Variants in KIF20B observed in about 807,000 individuals in gnomAD.
KIF20B encodes kinesin family member 20B, also known as kinesin-like protein KIF20B.
In KIF20B, 188 loss-of-function variants were observed where a neutral mutation model predicts 232.5. The observed-to-expected ratio is 0.81, with a 90% CI of 0.72 to 0.91. The LOEUF (loss-of-function observed/expected upper bound fraction) is 0.91. Ranked by LOEUF, KIF20B falls within the 40% of genes least tolerant of loss-of-function variation. The probability of loss-of-function intolerance (pLI) is 0.00; values close to 1 mark genes in which losing one functional copy is unlikely to be tolerated. For synonymous variants in KIF20B, 712 were observed against 683.0 expected (o/e 1.04, Z -0.66); for missense variants, 2,154 against 2,055.9 (o/e 1.05, Z -0.92).
At chr10:89,750,718 A>G (rs746673540) in intron 23 of KIF20B, among the ~76,000 whole-genome samples, 2 of 152,150 alleles carry the variant, frequency 1.3e-5, no homozygotes, top group African/African-American at 2.4e-5. Context: ...AGTTGCTTAC[A>G]AGTAATTGCT....
intron 23 of KIF20B, among the ~76,000 whole-genome samples, chr10:89,750,836 C>G (rs1022098542): frequency 6.6e-6 from 1 of 151,840 alleles, no homozygotes; most frequent in South Asian, 2.1e-4. Context: ...AAAATAGAAA[C>G]AAATATTTGA....
intron 13 of KIF20B, among the ~76,000 whole-genome samples, chr10:89,722,398 G>C (rs535261866): frequency 3.7e-4 from 56 of 152,278 alleles, no homozygotes; most frequent in Admixed American, 1.4e-3. Context: ...CGCCAGGCGC[G>C]GTGGCTCATG....
chr10:89,735,255 T>C (rs147964020), intron 19 of KIF20B, among the ~76,000 whole-genome samples: 2,565 of 152,276 alleles, frequency 0.017, 89 homozygotes, highest in African/African-American at 0.058. Flanking sequence ...TACCATGATA[T>C]GTCTTAGAGA....
At position 89,768,818 on chromosome 10, in the gene KIF20B, G is replaced by A. The variant is rs774659761; in HGVS notation, c.5172G>A (p.Lys1724=). ...TAATTGGTGTAAACCTGGCCACTAA[G>A]AAAAAAGAAGGAACACTACAGAAAT... ...ASIIGVNLAT[K]KKEGTLQKFG... Residue 1724 remains lysine (K), a synonymous_variant, in exon 31 of 33, where the codon AAG becomes AAA. Coordinates refer to ENST00000371728, the MANE Select transcript of KIF20B (RefSeq NM_001284259.2). 1 of 1,609,300 alleles carries A rather than the reference G, an allele frequency of 6.2e-7. No homozygotes were observed. The highest frequency in any genetic ancestry group is 8.5e-7 in the Non-Finnish European group (1 of 1,177,850).
chr10:89,736,476 A>G (rs1841655663), intron 19 of KIF20B, among the ~76,000 whole-genome samples: 1 of 152,184 alleles, frequency 6.6e-6, no homozygotes, highest in Non-Finnish European at 1.5e-5. Flanking sequence ...TCTGGGTATA[A>G]TTTGATCTGT....
At chr10:89,751,977 G>A (rs761936796) in intron 24 of KIF20B, among the ~76,000 whole-genome samples, 29 of 151,904 alleles carry the variant, frequency 1.9e-4, no homozygotes, top group Admixed American at 2.6e-4. Context: ...ATATAACCTT[G>A]GCAGGGTACT....
rs1842702905 is a variant in KIF20B at position 89,705,453 on chromosome 10, A to G, written c.147+12A>G. ...CTCCAAATACTGAGGTAAGTACAAGAAAAGTATTGTGTTGATTATCATGCC... is the reference window on the plus strand; with the variant it reads ...CTCCAAATACTGAGGTAAGTACAAGGAAAGTATTGTGTTGATTATCATGCC... On this transcript the variant is annotated intron_variant, in intron 2 of 32. Coordinates refer to ENST00000371728, the MANE Select transcript of KIF20B (RefSeq NM_001284259.2). The G allele has an allele frequency of 6.2e-7, 1 of 1,612,934 alleles. No homozygotes were observed. The highest frequency in any genetic ancestry group is 8.5e-7 in the Non-Finnish European group (1 of 1,179,458).
At chr10:89,735,530 A>T (rs1333062477) in intron 19 of KIF20B, among the ~76,000 whole-genome samples, 1 of 141,498 alleles carries the variant, frequency 7.1e-6, no homozygotes, top group Non-Finnish European at 1.5e-5. Flanking sequence ...GAAAGTAGTA[A>T]GTGTCTTTTT....
At chr10:89,746,307 G>A (rs1266767353) in intron 23 of KIF20B, among the ~76,000 whole-genome samples, 1 of 152,168 alleles carries the variant, frequency 6.6e-6, no homozygotes, top group Non-Finnish European at 1.5e-5. Context: ...TGGAAAAATC[G>A]GATCACACAT....
intron 16 of KIF20B, 140 bp downstream of exon 16, chr10:89,726,661 A>G (rs1843193901): frequency 1.5e-6 from 1 of 681,388 alleles, no homozygotes; most frequent in South Asian, 5.0e-5. Flanking sequence ...TTAATATTTT[A>G]CCATTTGTAT....
chr10:89,757,450 T>A (rs1842153618), intron 26 of KIF20B, among the ~76,000 whole-genome samples: 1 of 151,990 alleles, frequency 6.6e-6, no homozygotes, highest in South Asian at 2.1e-4. Context: ...CTTACTGCCT[T>A]TTTATGAGTA....
At chr10:89,718,423 A>T (rs1348453730) in intron 11 of KIF20B, among the ~76,000 whole-genome samples, 1 of 152,176 alleles carries the variant, frequency 6.6e-6, no homozygotes, top group South Asian at 2.1e-4. Context: ...AGGCGAGAGG[A>T]TCGCTTGAGC....
chr10:89,748,095 C>T (rs1292455367), intron 23 of KIF20B, among the ~76,000 whole-genome samples: 4 of 152,158 alleles, frequency 2.6e-5, no homozygotes, highest in Non-Finnish European at 4.4e-5. Flanking sequence ...CTGCAACCTC[C>T]GCCTTCCTGG....
At chr10:89,733,224 A>G in intron 19 of KIF20B, 168 bp downstream of exon 19, 2 of 615,580 alleles carry the variant, frequency 3.2e-6, no homozygotes, top group South Asian at 4.1e-5. Flanking sequence ...AGGGATGGGC[A>G]TAGTTAAAGC....
In KIF20B at chr10:89,757,022, T is replaced by TTGTGTGTGTGTG. The variant is rs377304425; in HGVS notation, c.4504-1676_4504-1665dup. Among the ~76,000 whole-genome samples, 617 of 122,700 alleles carry TTGTGTGTGTGTG rather than the reference T, an allele frequency of 5.0e-3. 10 individuals are homozygous for TTGTGTGTGTGTG. The highest frequency in any genetic ancestry group is 0.02 in the African/African-American group (594 of 30,088). The allele number at this position is 122,700 out of a possible 152,430, so 80.5% of individuals were successfully genotyped here. The stretch of plus-strand genomic sequence containing the variant: ...TGGTGCACATTTGCATATATCTCTG[T>TTGTGTGTGTGTG]TGTGTGTGTGTGTGTGTGTATATAT... On this transcript the variant is annotated intron_variant, in intron 26 of 32. Coordinates refer to ENST00000371728, the MANE Select transcript of KIF20B (RefSeq NM_001284259.2).
intron 28 of KIF20B, among the ~76,000 whole-genome samples, 192 bp from the exon 29 acceptor site, chr10:89,762,446 A>C (rs1356851066): frequency 6.6e-6 from 1 of 152,158 alleles, no homozygotes; most frequent in Non-Finnish European, 1.5e-5. Flanking sequence ...TGTTACCCCT[A>C]ATTTTAACAT....
intron 32 of KIF20B, 72 bp downstream of exon 32, chr10:89,772,903 AT>A (rs1842494193): frequency 2.5e-5 from 34 of 1,337,232 alleles, no homozygotes; most frequent in Non-Finnish European, 3.4e-5. Context: ...AGTGGTTTGA[AT>A]TTCAATTCTT....
In KIF20B at chr10:89,753,200, CT is replaced by C. The variant is rs747763633; in HGVS notation, c.4347+518del. ...TTTAACATACAACATATGGGGGAAA[CT>C]TTTTTTTTCGTAGGATTTACCAAAT... is the stretch of plus-strand genomic sequence containing the variant. On this transcript the variant is annotated intron_variant, in intron 25 of 32. Coordinates refer to ENST00000371728, the MANE Select transcript of KIF20B (RefSeq NM_001284259.2). Among the ~76,000 whole-genome samples the C allele has an allele frequency of 5.2e-3, 782 of 151,052 alleles. 3 individuals are homozygous for C. The highest frequency in any genetic ancestry group is 0.017 in the African/African-American group (694 of 41,176).
At chr10:89,719,207 A>AAGATAGATTTTTCCTCTAGTTT (rs1437822293) in intron 12 of KIF20B, among the ~76,000 whole-genome samples, 1 of 152,192 alleles carries the variant, frequency 6.6e-6, no homozygotes, top group Non-Finnish European at 1.5e-5. Context: ...TTAGCCCAGG[A>AAGATAGATTTTTCCTCTAGTTT]AGATAGATTT....
Sources: gnomAD v4.1 joint callset for allele counts (sites outside exome capture counted in the v4.1 genomes callset) on GRCh38, gnomAD v4.1.1 for gene constraint, MANE v1.5 for transcripts, NCBI Gene and HGNC (gene_info 2026-07-23, HGNC 2026-07-21) for gene names.